Variants in DPP9 observed in about 807,000 individuals in gnomAD.
The protein encoded by DPP9 is dipeptidyl peptidase 9.
A neutral mutation model predicts 110.7 loss-of-function variants in DPP9; 50 were observed. The ratio of observed to expected loss-of-function variants is 0.45; its 90% CI spans 0.36 to 0.57. The LOEUF (loss-of-function observed/expected upper bound fraction) is 0.57. Among genes scored for constraint, DPP9 ranks in the 20% least tolerant of loss-of-function variants. The probability of loss-of-function intolerance (pLI) is 0.00; values close to 1 mark genes in which losing one functional copy is unlikely to be tolerated. For synonymous variants in DPP9, 561 were observed against 514.4 expected, an observed-to-expected ratio of 1.09 and a Z score of -1.23; for missense variants, 1,022 against 1,217.9, an observed-to-expected ratio of 0.84 and a Z score of 2.39.
rs573530633 is a variant in DPP9, at chr19:4,685,282, G to A, written c.2031+344C>T. ...TGGTCCAACTGCCAATCTGCTGCCT[G>A]CTTTTGACCCCTGCTCCAGGAATTG... On this transcript the variant is annotated intron_variant, in intron 17 of 21. Coordinates refer to ENST00000262960, the MANE Select transcript of DPP9 (RefSeq NM_139159.5). This position sits in a 1 kb window ranked among gnomAD's most constrained non-coding sequence, Gnocchi z 5.8. 7.0e-5 allele frequency: 38 copies of A among 545,470 alleles called. No homozygotes were observed. In the East Asian group the frequency reaches 1.4e-3, roughly 20 times the overall value. The allele number at this position is 545,470 out of a possible 1,614,324, so 33.8% of individuals were successfully genotyped here.
In DPP9 at chr19:4,676,324, C is replaced by A. The variant is rs2088827453; in HGVS notation, c.*240G>T. 3.7e-6 allele frequency: 2 copies of A among 546,314 alleles called. No individual in the cohort carries two copies. Among genetic ancestry groups the A allele is most frequent in the African/African-American group, 1.9e-5 (1 of 52,638 alleles). 33.8% of individuals were successfully genotyped at this position (546,314 alleles called of 1,614,324 possible). A position where few individuals can be genotyped will look rare whatever the true frequency, so the allele number is the denominator to read the frequency against. On this transcript the variant is annotated 3_prime_UTR_variant, in exon 22 of 22. Coordinates refer to ENST00000262960, the MANE Select transcript of DPP9 (RefSeq NM_139159.5). The surrounding 1 kb of genome is among the most constrained non-coding windows in gnomAD (Gnocchi z 4.0). ...AGAAGGCGGGGAGAGGAGGGGCTGG[C>A]CCGAGACCACCATCTCTCTGTCTCG... is the stretch of plus-strand genomic sequence containing the variant.
chr19:4,688,804 G>C lies in DPP9; in HGVS notation c.1838C>G (p.Pro613Arg). The change falls in exon 16 of 22, where the codon CCC (proline) becomes CGC (arginine). Residue 613 changes from proline (P) to arginine (R), a missense_variant. Transcript: ENST00000262960. ...CCAGAAGCGGGGCTGCTTGTGCAGG[G>C]GGTCGTCGTCGGGGCCGCTCAGCTT... ...VYKLSGPDDD[P>R]LHKQPRFWAS... 2.0e-6 allele frequency: 3 copies of C among 1,483,192 alleles called. No homozygotes were observed. The highest frequency in any genetic ancestry group is 1.4e-5 in the South Asian group (1 of 71,360). 91.9% of individuals were successfully genotyped at this position (1,483,192 alleles called of 1,614,324 possible).
chr19:4,701,595 CAA>C (rs1267102803), intron 9 of DPP9, among the ~76,000 whole-genome samples: 2 of 152,190 alleles, frequency 1.3e-5, no homozygotes, highest in Non-Finnish European at 2.9e-5. Context: ...ACAAACAAAA[CAA>C]GAGTGACATT....
rs533380892 is a variant in DPP9, at chr19:4,710,971, C to T, written c.313+3110G>A. On this transcript the variant is annotated intron_variant, in intron 4 of 21. Coordinates refer to ENST00000262960, the MANE Select transcript of DPP9 (RefSeq NM_139159.5). The surrounding 1 kb of genome is among the most constrained non-coding windows in gnomAD (Gnocchi z 5.6). ...CCCAGACACACACACGAGCCACAGGCGACCCGACGATCTCATCTATGCGGA... is the reference window on the plus strand; with the variant it reads ...CCCAGACACACACACGAGCCACAGGTGACCCGACGATCTCATCTATGCGGA... 6.6e-6 allele frequency among the ~76,000 whole-genome samples: 1 copy of T among 152,310 alleles called. No homozygotes were observed. The highest frequency in any genetic ancestry group is 1.5e-5 in the Non-Finnish European group (1 of 68,020).
chr19:4,712,301 C>G (rs1014763814), intron 4 of DPP9, among the ~76,000 whole-genome samples: 1 of 152,228 alleles, frequency 6.6e-6, no homozygotes, highest in African/African-American at 2.4e-5. Context: ...GAAACCCTAG[C>G]ATTTTGGGAG....
rs980757001 is a variant in DPP9 at position 4,694,307 on chromosome 19, A to T, written c.1516+354T>A. 4 of 435,256 alleles carry T rather than the reference A, an allele frequency of 9.2e-6. No homozygotes were observed. Among genetic ancestry groups the T allele is most frequent in the African/African-American group, 8.0e-5 (4 of 49,890 alleles). The allele number at this position is 435,256 out of a possible 1,614,324, so 27.0% of individuals were successfully genotyped here. ...TGCTGCAGCACAAAAGCGACCACAG[A>T]CAGTCTCTGTAAACAAGTGGCTGTG... On this transcript the variant is annotated intron_variant, in intron 13 of 21. Transcript: ENST00000262960. The surrounding 1 kb of genome is among the most constrained non-coding windows in gnomAD (Gnocchi z 4.0).
intron 3 of DPP9, 69 bp downstream of exon 3, chr19:4,719,782 T>TA: frequency 6.5e-7 from 1 of 1,529,236 alleles, no homozygotes; most frequent in East Asian, 2.5e-5. Flanking sequence ...TTCCAGATCT[T>TA]AGACTGTTGG....
intron 4 of DPP9, among the ~76,000 whole-genome samples, chr19:4,708,643 G>T (rs942341207): frequency 6.6e-6 from 1 of 152,206 alleles, no homozygotes; most frequent in African/African-American, 2.4e-5. Flanking sequence ...CAGGGACATA[G>T]ATGGAGCAGG....
At chr19:4,699,985 T>A (rs1441430944) in intron 10 of DPP9, among the ~76,000 whole-genome samples, 1 of 152,106 alleles carries the variant, frequency 6.6e-6, no homozygotes, top group African/African-American at 2.4e-5. Context: ...TGGCCTCCAG[T>A]CTCAGGACCC....
At chr19:4,703,731 C>T (rs980238487) in intron 7 of DPP9, among the ~76,000 whole-genome samples, 155 bp downstream of exon 7, 1 of 150,704 alleles carries the variant, frequency 6.6e-6, no homozygotes, top group Non-Finnish European at 1.5e-5. Context: ...GACGCCAGGA[C>T]CTCCCGGGAG....
chr19:4,676,632 T>C lies in DPP9; in HGVS notation c.2611A>G (p.Ile871Val). ...TGCTCGCCCGACTCGGGGCAGCGAA[T>C]ACTGTGTCTCTCGTTGGGGTAGATC... is the stretch of plus-strand genomic sequence containing the variant. ...LQIYPNERHS[I>V]RCPESGEHYE... The change falls in exon 22 of 22, where the codon ATT becomes GTT. Residue 871 changes from isoleucine (I) to valine (V), a missense_variant. Around this residue, in one of 3 missense-constraint regions of DPP9, gnomAD observed 209 missense variants for 280.4 expected, o/e 0.75. Transcript: ENST00000262960. This position sits in a 1 kb window ranked among gnomAD's most constrained non-coding sequence, Gnocchi z 4.0. 1 of 1,607,672 alleles carries C rather than the reference T, an allele frequency of 6.2e-7. No homozygotes were observed. The highest frequency in any genetic ancestry group is 1.7e-5 in the Admixed American group (1 of 59,192).
Position 4,689,046 on chromosome 19 carries a change from A to AG in DPP9, c.1750-155dup, listed in dbSNP as rs1031794744. Among the ~76,000 whole-genome samples, 122 of 140,006 alleles carry AG rather than the reference A, an allele frequency of 8.7e-4. No homozygotes were observed. Among genetic ancestry groups the AG allele is most frequent in the African/African-American group, 3.1e-3 (119 of 37,922 alleles). 91.8% of individuals were successfully genotyped at this position (140,006 alleles called of 152,430 possible). ...CCTCAAAGCTCCACCCGCTGCTGCA[A>AG]GGGGGGCACCACTGCCATCGCCCCA... On this transcript the variant is annotated intron_variant, in intron 15 of 21. Coordinates refer to ENST00000262960, the MANE Select transcript of DPP9 (RefSeq NM_139159.5). This position sits in a 1 kb window ranked among gnomAD's most constrained non-coding sequence, Gnocchi z 7.0.
At position 4,690,921 on chromosome 19, in the gene DPP9, A is replaced by G; in HGVS notation, c.1553T>C (p.Leu518Pro). 1 of 1,613,440 alleles carries G rather than the reference A, an allele frequency of 6.2e-7. No individual in the cohort carries two copies. Among genetic ancestry groups the G allele is most frequent in the Non-Finnish European group, 8.5e-7 (1 of 1,179,712 alleles). The change falls in exon 14 of 22, where the codon CTG (leucine) becomes CCG (proline). Residue 518 changes from leucine to proline, a missense_variant. Around this residue, in one of 3 missense-constraint regions of DPP9, gnomAD observed 810 missense variants for 920.6 expected, o/e 0.88. Transcript: ENST00000262960. ...CAAAACCTCCCATTCACCGCTGGTC[A>G]GAGCAATCTCTTCCTTAATGGGGCA... ...FKCPIKEEIA[L>P]TSGEWEVLAR...
rs1214545429 is a variant in DPP9, at chr19:4,710,765, G to C, written c.313+3316C>G. Among the ~76,000 whole-genome samples the C allele has an allele frequency of 6.6e-6, 1 of 152,146 alleles. No individual in the cohort carries two copies. Among genetic ancestry groups the C allele is most frequent in the Non-Finnish European group, 1.5e-5 (1 of 68,022 alleles). On this transcript the variant is annotated intron_variant, in intron 4 of 21. Coordinates refer to ENST00000262960, the MANE Select transcript of DPP9 (RefSeq NM_139159.5). This position sits in a 1 kb window ranked among gnomAD's most constrained non-coding sequence, Gnocchi z 5.6. ...AGAACCTGGATGTGACGTGAGCTCAGTGCTGCCCCTGACAGTGTGAAGTGA... is the reference window on the plus strand; with the variant it reads ...AGAACCTGGATGTGACGTGAGCTCACTGCTGCCCCTGACAGTGTGAAGTGA...
chr19:4,685,153 C>T lies in DPP9; in HGVS notation c.2032-344G>A, dbSNP rs1209082580. The T allele has an allele frequency of 1.8e-6, 1 of 553,756 alleles. No individual in the cohort carries two copies. Among genetic ancestry groups the T allele is most frequent in the South Asian group, 1.5e-5 (1 of 65,436 alleles). 34.3% of individuals were successfully genotyped at this position (553,756 alleles called of 1,614,324 possible). On this transcript the variant is annotated intron_variant, in intron 17 of 21. Transcript: ENST00000262960. The surrounding 1 kb of genome is among the most constrained non-coding windows in gnomAD (Gnocchi z 5.8). ...ACTGCGGGGTGCTGAGAAGCCACTC[C>T]AGGCCAGGAGAACTCGCAGTGGTGA... is the stretch of plus-strand genomic sequence containing the variant.
Position 4,695,128 on chromosome 19 carries a change from G to T in DPP9, c.1353+250C>A. 1.7e-6 allele frequency: 1 copy of T among 579,406 alleles called. No homozygotes were observed. Among genetic ancestry groups the T allele is most frequent in the Non-Finnish European group, 3.0e-6 (1 of 330,926 alleles). The allele number at this position is 579,406 out of a possible 1,614,324, so 35.9% of individuals were successfully genotyped here. Reference sequence around the variant, plus strand: ...ACCACACCACTGCACTCTAGTCTGGGCAACAGAGCAACCCTGTCTCTAATT... The same window carrying T: ...ACCACACCACTGCACTCTAGTCTGGTCAACAGAGCAACCCTGTCTCTAATT... On this transcript the variant is annotated intron_variant, in intron 12 of 21. Transcript: ENST00000262960. The surrounding 1 kb of genome is among the most constrained non-coding windows in gnomAD (Gnocchi z 4.7).
intron 2 of DPP9, among the ~76,000 whole-genome samples, chr19:4,721,787 A>G (rs922919618): frequency 9.9e-5 from 15 of 152,190 alleles, no homozygotes; most frequent in African/African-American, 3.4e-4. Flanking sequence ...CAAAAACAAA[A>G]GAAGAGAGGG....
intron 4 of DPP9, among the ~76,000 whole-genome samples, chr19:4,706,407 C>T (rs2145792481): frequency 6.6e-6 from 1 of 151,388 alleles, no homozygotes; most frequent in South Asian, 2.1e-4. Context: ...GAAGGGCAGT[C>T]AGAAACAAAC....
rs1285486019 is a variant in DPP9, at chr19:4,693,080, C to T, written c.1516+1581G>A. On this transcript the variant is annotated intron_variant, in intron 13 of 21. Transcript: ENST00000262960. This position sits in a 1 kb window ranked among gnomAD's most constrained non-coding sequence, Gnocchi z 5.0. ...CCTTGGCTGCTGTGTGGGCTCTGCC[C>T]CCAGAGGGCACCGGACCACATCTAG... Among the ~76,000 whole-genome samples, 4 of 152,164 alleles carry T rather than the reference C, an allele frequency of 2.6e-5. No individual in the cohort carries two copies. The highest frequency in any genetic ancestry group is 1.5e-5 in the Non-Finnish European group (1 of 68,022).
Sources: gnomAD v4.1 joint callset for allele counts (sites outside exome capture counted in the v4.1 genomes callset) on GRCh38, gnomAD v4.1.1 for gene constraint, gnomAD v4.1.1 regional missense constraint, Gnocchi (gnomAD v3.1) non-coding constraint, MANE v1.5 for transcripts, NCBI Gene and HGNC (gene_info 2026-07-23, HGNC 2026-07-21) for gene names.